CACHD1: variants seen among roughly 807,000 people sequenced by gnomAD.
CACHD1 encodes VWFA and cache domain-containing protein 1.
CACHD1 carries 71 observed loss-of-function variants against 138.7 expected under a neutral mutation model. The ratio of observed to expected loss-of-function variants is 0.51; its 90% confidence interval spans 0.42 to 0.62. The LOEUF is 0.62. Ranked by LOEUF, CACHD1 falls within the 20% of genes least tolerant of loss-of-function variation. CACHD1 has a pLI of 0.00. For missense variants in CACHD1, 1,389 were observed against 1,625.3 expected, an observed-to-expected ratio of 0.85 and a Z score of 2.50; for synonymous variants, 578 against 591.5, an observed-to-expected ratio of 0.98 and a Z score of 0.33.
chr1:64,661,490 C>A (rs1249332474), intron 13 of CACHD1, among the ~76,000 whole-genome samples: 1 of 152,190 alleles, frequency 6.6e-6, no homozygotes, highest in South Asian at 2.1e-4. Flanking sequence ...GCCACCTCTT[C>A]TTCTCTTTAC....
intron 13 of CACHD1, among the ~76,000 whole-genome samples, chr1:64,662,063 A>G (rs1355071675): frequency 6.6e-6 from 1 of 152,228 alleles, no homozygotes; most frequent in African/African-American, 2.4e-5. Context: ...GCACATGTCT[A>G]CCAATCCAGA....
intron 23 of CACHD1, 66 bp from the exon 24 acceptor site, chr1:64,679,529 C>A: frequency 6.4e-7 from 1 of 1,568,218 alleles, no homozygotes; most frequent in Non-Finnish European, 8.7e-7. Context: ...CCCATCTCAC[C>A]ATCCTTACTT....
intron 1 of CACHD1, among the ~76,000 whole-genome samples, chr1:64,534,053 T>G (rs1646612568): frequency 6.7e-6 from 1 of 150,246 alleles, no homozygotes; most frequent in Non-Finnish European, 1.5e-5. Flanking sequence ...CATTTTTTTT[T>G]TTTTTTTTGA....
intron 2 of CACHD1, among the ~76,000 whole-genome samples, chr1:64,575,498 A>G (rs1211701812): frequency 6.6e-6 from 1 of 152,260 alleles, no homozygotes; most frequent in African/African-American, 2.4e-5. Flanking sequence ...TCTGAAACTT[A>G]CTAGAAAACA....
intron 1 of CACHD1, among the ~76,000 whole-genome samples, chr1:64,537,433 C>T (rs996754518): frequency 6.6e-5 from 10 of 152,126 alleles, no homozygotes; most frequent in African/African-American, 2.4e-4. Flanking sequence ...GTGTTCCCAT[C>T]AGGTCTTATA....
intron 26 of CACHD1, among the ~76,000 whole-genome samples, chr1:64,685,681 T>TA (rs1305021137): frequency 1.3e-5 from 2 of 151,588 alleles, no homozygotes; most frequent in African/African-American, 2.4e-5. Context: ...CTCTACAAAA[T>TA]AAAAAAATTA....
chr1:64,660,818 G>C (rs1189232661), intron 13 of CACHD1, among the ~76,000 whole-genome samples: 1 of 152,158 alleles, frequency 6.6e-6, no homozygotes, highest in Non-Finnish European at 1.5e-5. Context: ...GCGCCACTGT[G>C]CCCAGCCACT....
intron 1 of CACHD1, among the ~76,000 whole-genome samples, chr1:64,479,464 G>A (rs1160099610): frequency 6.6e-6 from 1 of 152,190 alleles, no homozygotes; most frequent in Non-Finnish European, 1.5e-5. Context: ...CCTTTTTGAG[G>A]AAAAGCATAG....
At chr1:64,588,320 C>T (rs1209497830) in intron 3 of CACHD1, among the ~76,000 whole-genome samples, 1 of 152,120 alleles carries the variant, frequency 6.6e-6, no homozygotes, top group African/African-American at 2.4e-5. Flanking sequence ...TCCCTGAAAC[C>T]CAGCTTGCCA....
intron 4 of CACHD1, among the ~76,000 whole-genome samples, 192 bp from the exon 5 acceptor site, chr1:64,629,163 A>G (rs1237095684): frequency 1.3e-5 from 2 of 152,220 alleles, no homozygotes; most frequent in Non-Finnish European, 2.9e-5. Flanking sequence ...CTTAGCTGAA[A>G]CATTGTATTT....
intron 4 of CACHD1, among the ~76,000 whole-genome samples, chr1:64,613,215 G>A (rs1055213068): frequency 2.0e-5 from 3 of 152,172 alleles, no homozygotes; most frequent in South Asian, 4.1e-4. Flanking sequence ...TGTTATGGAT[G>A]AGCAATGAAA....
At chr1:64,533,994 C>A (rs1261734808) in intron 1 of CACHD1, among the ~76,000 whole-genome samples, 1 of 151,474 alleles carries the variant, frequency 6.6e-6, no homozygotes, top group Non-Finnish European at 1.5e-5. Context: ...ACCTCGTTAT[C>A]CACCTGCCTT....
At chr1:64,655,516 C>T (rs1405670560) in intron 12 of CACHD1, among the ~76,000 whole-genome samples, 1 of 152,094 alleles carries the variant, frequency 6.6e-6, no homozygotes, top group East Asian at 1.9e-4. Flanking sequence ...GCATAAGTAC[C>T]TTCCGACATT....
chr1:64,650,402 A>G (rs1649049750), intron 9 of CACHD1, among the ~76,000 whole-genome samples: 1 of 152,210 alleles, frequency 6.6e-6, no homozygotes, highest in Non-Finnish European at 1.5e-5. Flanking sequence ...CCTGCCGCTT[A>G]CAACCTATTT....
In CACHD1 at chr1:64,470,670, C is replaced by A; in HGVS notation, c.-75C>A. The A allele has an allele frequency of 2.2e-6, 1 of 457,310 alleles. No individual in the cohort carries two copies. Among genetic ancestry groups the A allele is most frequent in the Non-Finnish European group, 3.8e-6 (1 of 262,236 alleles). 28.3% of individuals were successfully genotyped at this position (457,310 alleles called of 1,614,324 possible). On this transcript the variant is annotated 5_prime_UTR_variant, in exon 1 of 27. Transcript: ENST00000651257. The surrounding 1 kb of genome is among the most constrained non-coding windows in gnomAD (Gnocchi z 5.2). ...AGAAACTTTTGCGGGGTGCGCCGCG[C>A]TTTTGCGGGGGGCACCTCCCGCGGC...
intron 2 of CACHD1, among the ~76,000 whole-genome samples, chr1:64,578,172 G>T (rs1469876): frequency 6.6e-6 from 1 of 152,118 alleles, no homozygotes; most frequent in Non-Finnish European, 1.5e-5. Context: ...CTGAGGCACC[G>T]CAGCGAGTGC....
chr1:64,690,565 G>C (rs146796511), intron 26 of CACHD1, among the ~76,000 whole-genome samples: 5 of 152,258 alleles, frequency 3.3e-5, no homozygotes, highest in South Asian at 2.1e-4. Flanking sequence ...TAAATGGGGT[G>C]GGGGGCAGCT....
chr1:64,606,680 A>C (rs1325480422), intron 4 of CACHD1, among the ~76,000 whole-genome samples: 2 of 152,246 alleles, frequency 1.3e-5, no homozygotes, highest in Non-Finnish European at 2.9e-5. Context: ...GACAACTTAG[A>C]AAGTTACTCC....
At chr1:64,578,262 A>G (rs1646984770) in intron 2 of CACHD1, among the ~76,000 whole-genome samples, 1 of 152,182 alleles carries the variant, frequency 6.6e-6, no homozygotes, top group Non-Finnish European at 1.5e-5. Flanking sequence ...CACTTAACTC[A>G]TTGATATAAA....
Sources: gnomAD v4.1 joint callset for allele counts (sites outside exome capture counted in the v4.1 genomes callset) on GRCh38, gnomAD v4.1.1 for gene constraint, Gnocchi (gnomAD v3.1) non-coding constraint, MANE v1.5 for transcripts, NCBI Gene and HGNC (gene_info 2026-07-23, HGNC 2026-07-21) for gene names.